Variants in PARVB observed in about 807,000 individuals in gnomAD.
PARVB encodes the protein parvin beta.
PARVB carries 46 observed loss-of-function variants against 47.0 expected under a neutral mutation model. The ratio of observed to expected loss-of-function variants is 0.98; its 90% CI spans 0.77 to 1.25. PARVB has a LOEUF of 1.25. Among genes scored for constraint, PARVB ranks in the 50% most tolerant of loss-of-function variants. The probability of loss-of-function intolerance (pLI) is 0.00; values close to 1 mark genes in which losing one functional copy is unlikely to be tolerated. For synonymous variants in PARVB, 196 were observed against 196.3 expected, an observed-to-expected ratio of 1.00 and a Z score of 0.01; for missense variants, 473 against 471.6, an observed-to-expected ratio of 1.00 and a Z score of -0.03.
At chr22:44,033,619 T>C (rs1172515464) in intron 1 of PARVB, among the ~76,000 whole-genome samples, 1 of 152,198 alleles carries the variant, frequency 6.6e-6, no homozygotes, top group Non-Finnish European at 1.5e-5. Context: ...TTTGAACCTT[T>C]ACCTGCCAGC....
intron 1 of PARVB, among the ~76,000 whole-genome samples, chr22:44,072,306 C>T (rs2051673197): frequency 6.6e-6 from 1 of 152,188 alleles, no homozygotes; most frequent in African/African-American, 2.4e-5. Flanking sequence ...GAGTCTCTGT[C>T]CCCACCTCAC....
In PARVB at chr22:44,155,148, GCT is replaced by G. The variant is rs1446862824; in HGVS notation, c.844-2831_844-2830del. ...TTCTTACATTGCGGACAGCGTCCCA[GCT>G]CTGTGATGGTGAGTGAACTCCTCAG... On this transcript the variant is annotated intron_variant, in intron 10 of 12. Coordinates refer to ENST00000338758, the MANE Select transcript of PARVB (RefSeq NM_013327.5). This position sits in a 1 kb window ranked among gnomAD's most constrained non-coding sequence, Gnocchi z 4.8. 6.6e-6 allele frequency among the ~76,000 whole-genome samples: 1 copy of G among 152,100 alleles called. No individual in the cohort carries two copies. Among genetic ancestry groups the G allele is most frequent in the African/African-American group, 2.4e-5 (1 of 41,412 alleles).
chr22:44,047,051 A>T (rs2051126144), intron 1 of PARVB, among the ~76,000 whole-genome samples: 1 of 152,180 alleles, frequency 6.6e-6, no homozygotes, highest in Admixed American at 6.5e-5. Context: ...TTTGTCCTGG[A>T]GCCACCAGGC....
intron 2 of PARVB, among the ~76,000 whole-genome samples, chr22:43,999,956 G>C (rs183391079): frequency 6.6e-6 from 1 of 151,696 alleles, no homozygotes; most frequent in African/African-American, 2.4e-5. Flanking sequence ...GCAGTGAGCC[G>C]TGATTGCACC....
chr22:44,024,237 A>G, upstream of PARVB: 1 of 444,552 alleles, frequency 2.2e-6, no homozygotes, highest in Non-Finnish European at 3.0e-6. Flanking sequence ...CGGGGGCGGG[A>G]CCGGGGCGGG....
At chr22:44,061,733 C>T (rs955882922) in intron 1 of PARVB, among the ~76,000 whole-genome samples, 2 of 151,982 alleles carry the variant, frequency 1.3e-5, no homozygotes, top group Non-Finnish European at 2.9e-5. Flanking sequence ...TCTCCAGCCT[C>T]AGCCTCCCGA....
At chr22:44,121,263 A>G (rs1458617044) in intron 4 of PARVB, among the ~76,000 whole-genome samples, 3 of 152,040 alleles carry the variant, frequency 2.0e-5, no homozygotes, top group Admixed American at 6.6e-5. Flanking sequence ...TGGCCTCCCA[A>G]AGTGTTGGGA....
At chr22:44,027,914 C>CATAT (rs3083338) in intron 1 of PARVB, among the ~76,000 whole-genome samples, 9,102 of 132,998 alleles carry the variant, frequency 0.068, 356 homozygotes, top group East Asian at 0.15. Context: ...AAAAAAAAAC[C>CATAT]ATATATATAT....
In PARVB at chr22:44,169,616, T is replaced by G. The variant is rs2054245604; in HGVS notation, c.*938T>G. 1 of 150,646 alleles carries G rather than the reference T, an allele frequency of 6.6e-6. No homozygotes were observed. The highest frequency in any genetic ancestry group is 1.5e-5 in the Non-Finnish European group (1 of 68,062). 9.3% of individuals were successfully genotyped at this position (150,646 alleles called of 1,614,324 possible). A position where few individuals can be genotyped will look rare whatever the true frequency, so the allele number is the denominator to read the frequency against. ...AATTACATCCTCAGGCCTTTCGCCT[T>G]GGCTTGTAGATGCCGGCTTCTCCCC... On this transcript the variant is annotated 3_prime_UTR_variant, in exon 13 of 13. Transcript: ENST00000338758.
At chr22:44,009,861 G>A (rs1204061509) in intron 2 of PARVB, among the ~76,000 whole-genome samples, 1 of 148,018 alleles carries the variant, frequency 6.8e-6, no homozygotes, top group Non-Finnish European at 1.5e-5. Context: ...AGGCTGGAGT[G>A]CGGCGGCGTG....
chr22:44,099,817 T>G (rs1298335292), intron 2 of PARVB, among the ~76,000 whole-genome samples: 1 of 151,974 alleles, frequency 6.6e-6, no homozygotes, highest in Non-Finnish European at 1.5e-5. Flanking sequence ...GCTGGCGGAG[T>G]CTGGGAGGAG....
intron 1 of PARVB, among the ~76,000 whole-genome samples, chr22:44,071,325 T>C (rs1359533008): frequency 5.3e-5 from 8 of 152,154 alleles, no homozygotes; most frequent in Admixed American, 5.2e-4. Flanking sequence ...GGAGACCAAA[T>C]AGGTGTCCTG....
intron 2 of PARVB, among the ~76,000 whole-genome samples, chr22:44,018,706 A>G (rs1259304931): frequency 6.6e-6 from 1 of 151,922 alleles, no homozygotes; most frequent in Non-Finnish European, 1.5e-5. Flanking sequence ...AGTTCTCTCA[A>G]TGGCCACCTC....
chr22:44,135,642 C>G (rs2053427401), intron 6 of PARVB, among the ~76,000 whole-genome samples: 2 of 152,150 alleles, frequency 1.3e-5, no homozygotes, highest in Admixed American at 1.3e-4. Context: ...AACAAAGTAC[C>G]ACAAACCAGG....
chr22:44,163,441 G>T (rs890351209), intron 11 of PARVB, among the ~76,000 whole-genome samples: 2 of 152,168 alleles, frequency 1.3e-5, no homozygotes, highest in African/African-American at 4.8e-5. Flanking sequence ...TCTCGCCACT[G>T]TGCACTAGCC....
chr22:44,135,041 C>T (rs2053412878), intron 6 of PARVB, among the ~76,000 whole-genome samples: 1 of 152,146 alleles, frequency 6.6e-6, no homozygotes, highest in African/African-American at 2.4e-5. Flanking sequence ...ATAACAAGCA[C>T]CAACCCTGAG....
intron 12 of PARVB, among the ~76,000 whole-genome samples, chr22:44,165,302 C>T (rs139849440): frequency 6.6e-6 from 1 of 152,184 alleles, no homozygotes; most frequent in Non-Finnish European, 1.5e-5. Context: ...CCCTCCCTCC[C>T]CACTAGAACA....
At chr22:44,158,217 G>C (rs1201597000) in intron 11 of PARVB, 134 bp downstream of exon 11, 1 of 612,636 alleles carries the variant, frequency 1.6e-6, no homozygotes, top group Middle Eastern at 2.9e-4. Flanking sequence ...AAGTGATATT[G>C]CAATTAGATG....
At chr22:44,128,062 G>A (rs1221306883) in intron 4 of PARVB, among the ~76,000 whole-genome samples, 2 of 152,194 alleles carry the variant, frequency 1.3e-5, no homozygotes, top group African/African-American at 4.8e-5. Flanking sequence ...GGATCACAGG[G>A]ATGAGCCACT....
Sources: gnomAD v4.1 joint callset for allele counts (sites outside exome capture counted in the v4.1 genomes callset) on GRCh38, gnomAD v4.1.1 for gene constraint, Gnocchi (gnomAD v3.1) non-coding constraint, MANE v1.5 for transcripts, NCBI Gene and HGNC (gene_info 2026-07-23, HGNC 2026-07-21) for gene names.